The following CFDP1 variants were observed in gnomAD, a reference collection of about 807,000 sequenced individuals.
CFDP1 encodes the protein chromatin remodeling protein CFDP1.
Under a neutral mutation model 40.1 loss-of-function variants are expected in CFDP1, and 31 were observed. The observed-to-expected ratio is 0.77, with a 90% CI of 0.58 to 1.04. The LOEUF is 1.04. CFDP1 is among the 50% of genes least tolerant of loss of function. The pLI, the probability that CFDP1 is intolerant of heterozygous loss-of-function variation, is 0.00. For missense variants in CFDP1, 423 were observed against 343.4 expected, an observed-to-expected ratio of 1.23 and a Z score of -1.83; for synonymous variants, 167 against 120.0, an observed-to-expected ratio of 1.39 and a Z score of -2.56.
At chr16:75,413,979 C>G (rs2079183732) in intron 2 of CFDP1, among the ~76,000 whole-genome samples, 2 of 151,962 alleles carry the variant, frequency 1.3e-5, no homozygotes, top group Non-Finnish European at 2.9e-5. Flanking sequence ...TTTATGTATA[C>G]TTTGTATACA....
chr16:75,307,759 A>G (rs557994025), intron 5 of CFDP1, among the ~76,000 whole-genome samples: 5 of 152,102 alleles, frequency 3.3e-5, no homozygotes, highest in African/African-American at 9.6e-5. Context: ...GGGTCTTGCT[A>G]TGTTGCCCAA....
At chr16:75,325,119 A>AC (rs916077430) in intron 5 of CFDP1, 20 of 151,988 alleles carry the variant, frequency 1.3e-4, no homozygotes, top group African/African-American at 4.8e-4. Flanking sequence ...TATGCCTATG[A>AC]CCCCCAAATG....
chr16:75,427,607 G>C (rs979988851), intron 1 of CFDP1, among the ~76,000 whole-genome samples: 2 of 152,140 alleles, frequency 1.3e-5, no homozygotes, highest in Non-Finnish European at 2.9e-5. Context: ...ACCACCCCAA[G>C]TGTTGTTGAG....
chr16:75,393,591 C>A (rs947997684), intron 5 of CFDP1, among the ~76,000 whole-genome samples: 4 of 150,374 alleles, frequency 2.7e-5, no homozygotes, highest in African/African-American at 9.8e-5. Context: ...ATTAGCCGGG[C>A]GCGGTGGCGG....
intron 5 of CFDP1, among the ~76,000 whole-genome samples, chr16:75,343,942 AT>A (rs1449115619): frequency 6.6e-6 from 1 of 152,226 alleles, no homozygotes; most frequent in African/African-American, 2.4e-5. Flanking sequence ...CATTTTAAGA[AT>A]CTCTAGCAGG....
chr16:75,346,443 C>T (rs1223768656), intron 5 of CFDP1, among the ~76,000 whole-genome samples: 3 of 151,356 alleles, frequency 2.0e-5, no homozygotes, highest in Non-Finnish European at 4.4e-5. Context: ...ATTAGCCGGG[C>T]GTGGTGGTGG....
intron 5 of CFDP1, among the ~76,000 whole-genome samples, chr16:75,332,451 T>C (rs1322467253): frequency 6.6e-6 from 1 of 151,280 alleles, no homozygotes; most frequent in African/African-American, 2.4e-5. Context: ...GGTGACAGAG[T>C]GAGACTCCAT....
chr16:75,390,148 A>G (rs1052479759), intron 5 of CFDP1, among the ~76,000 whole-genome samples: 1 of 152,184 alleles, frequency 6.6e-6, no homozygotes, highest in African/African-American at 2.4e-5. Context: ...TTACTGAAAA[A>G]TATTTCACTT....
chr16:75,371,660 T>TAG (rs985071303), intron 5 of CFDP1, among the ~76,000 whole-genome samples: 130 of 152,304 alleles, frequency 8.5e-4, no homozygotes, highest in African/African-American at 3.0e-3. Flanking sequence ...CTCTTGGTCT[T>TAG]TTCTGAGAAC....
chr16:75,375,627 AC>A (rs1597364053), intron 5 of CFDP1, among the ~76,000 whole-genome samples: 1 of 152,112 alleles, frequency 6.6e-6, no homozygotes, highest in Admixed American at 6.5e-5. Context: ...CCCCATCTCC[AC>A]AAAAAATACA....
chr16:75,408,530 G>C (rs2079125317), intron 4 of CFDP1, among the ~76,000 whole-genome samples: 1 of 152,054 alleles, frequency 6.6e-6, no homozygotes, highest in Non-Finnish European at 1.5e-5. Flanking sequence ...TGTAATTGCA[G>C]CACTTTGGGA....
chr16:75,328,531 G>A (rs1379489775), intron 5 of CFDP1, among the ~76,000 whole-genome samples: 8 of 146,312 alleles, frequency 5.5e-5, no homozygotes, highest in African/African-American at 1.0e-4. Flanking sequence ...CCCGGGAGGC[G>A]GAGGGCGCAG....
chr16:75,399,610 C>G (rs986372732), intron 4 of CFDP1, among the ~76,000 whole-genome samples: 1 of 152,112 alleles, frequency 6.6e-6, no homozygotes, highest in Non-Finnish European at 1.5e-5. Flanking sequence ...AACTCCTGGG[C>G]TCAAGTGGTC....
intron 5 of CFDP1, among the ~76,000 whole-genome samples, chr16:75,357,364 CCTA>C (rs1258379730): frequency 2.6e-5 from 4 of 152,104 alleles, no homozygotes; most frequent in African/African-American, 7.2e-5. Flanking sequence ...AAGCGATTCT[CCTA>C]CCTCAGCCTC....
At chr16:75,369,585 C>T (rs770958892) in intron 5 of CFDP1, among the ~76,000 whole-genome samples, 23 of 152,174 alleles carry the variant, frequency 1.5e-4, no homozygotes, top group Admixed American at 2.6e-4. Flanking sequence ...ACACTTGTTT[C>T]TTCTGATGAA....
chr16:75,324,337 T>G (rs560982416), intron 5 of CFDP1, among the ~76,000 whole-genome samples: 2 of 152,292 alleles, frequency 1.3e-5, no homozygotes, highest in South Asian at 4.1e-4. Context: ...TGAATGCACT[T>G]AGCATAATGC....
intron 5 of CFDP1, among the ~76,000 whole-genome samples, chr16:75,339,651 A>G (rs1810962412): frequency 6.6e-6 from 1 of 152,330 alleles, no homozygotes; most frequent in Admixed American, 6.5e-5. Flanking sequence ...TGATTCCCTC[A>G]GCCTTCTGCC....
At chr16:75,329,645 T>C (rs1449470148) in intron 5 of CFDP1, among the ~76,000 whole-genome samples, 1 of 152,218 alleles carries the variant, frequency 6.6e-6, no homozygotes, top group Non-Finnish European at 1.5e-5. Flanking sequence ...TGCTGTTTTA[T>C]CTCTGCTACT....
intron 5 of CFDP1, among the ~76,000 whole-genome samples, chr16:75,366,756 T>C (rs982392693): frequency 3.9e-5 from 6 of 152,216 alleles, no homozygotes; most frequent in Non-Finnish European, 8.8e-5. Context: ...GGCTCCCATC[T>C]TCTGGGGCTG....
Sources: gnomAD v4.1 joint callset for allele counts (sites outside exome capture counted in the v4.1 genomes callset) on GRCh38, gnomAD v4.1.1 for gene constraint, MANE v1.5 for transcripts, NCBI Gene and HGNC (gene_info 2026-07-23, HGNC 2026-07-21) for gene names.